The following NEK1 variants were observed in gnomAD, a reference collection of about 807,000 sequenced individuals.
The protein encoded by NEK1 is serine/threonine-protein kinase Nek1.
Under a neutral mutation model 182.1 loss-of-function variants are expected in NEK1, and 137 were observed. That is an observed-to-expected ratio of 0.75 (90% CI 0.65 to 0.87). NEK1 has a LOEUF of 0.87. NEK1 is among the 40% of genes least tolerant of loss of function. The pLI is 0.00. For missense variants in NEK1, 1,391 were observed against 1,494.4 expected (o/e 0.93, Z 1.14); for synonymous variants, 513 against 492.2 (o/e 1.04, Z -0.56).
At chr4:169,574,113 G>A (rs1279236801) in intron 12 of NEK1, among the ~76,000 whole-genome samples, 5 of 152,078 alleles carry the variant, frequency 3.3e-5, no homozygotes, top group African/African-American at 4.8e-5. Context: ...AGCCATGACC[G>A]CACTACTGTC....
At chr4:169,580,655 A>G (rs1766484382) in intron 11 of NEK1, among the ~76,000 whole-genome samples, 187 bp downstream of exon 11, 1 of 152,068 alleles carries the variant, frequency 6.6e-6, no homozygotes, top group Admixed American at 6.5e-5. Flanking sequence ...TGAACAATAA[A>G]TGAGAATGTT....
intron 5 of NEK1, among the ~76,000 whole-genome samples, chr4:169,596,037 T>C (rs1023947984): frequency 2.0e-5 from 3 of 151,762 alleles, no homozygotes; most frequent in Admixed American, 6.6e-5. Context: ...AATGGTAAAG[T>C]CACTTTCTAG....
intron 27 of NEK1, among the ~76,000 whole-genome samples, chr4:169,458,355 C>T (rs377100877): frequency 9.9e-5 from 15 of 152,050 alleles, no homozygotes; most frequent in East Asian, 9.7e-4. Context: ...CATCTACTTA[C>T]GAAAAAAATG....
chr4:169,551,292 C>T (rs892062416), intron 18 of NEK1, among the ~76,000 whole-genome samples: 2 of 152,088 alleles, frequency 1.3e-5, no homozygotes, highest in Admixed American at 6.6e-5. Flanking sequence ...TGGCACTTTT[C>T]TAGAAAAAAA....
intron 12 of NEK1, chr4:169,576,713 A>C: frequency 5.6e-6 from 2 of 360,018 alleles, no homozygotes; most frequent in Non-Finnish European, 1.0e-5. Context: ...GCTTTTTATT[A>C]CACTAATTAT....
chr4:169,552,112 A>G (rs1761510897), intron 18 of NEK1, among the ~76,000 whole-genome samples: 1 of 152,174 alleles, frequency 6.6e-6, no homozygotes, highest in Admixed American at 6.5e-5. Context: ...CATGTCAGTG[A>G]AAAGATTACA....
intron 23 of NEK1, among the ~76,000 whole-genome samples, chr4:169,497,762 C>A (rs1307260216): frequency 3.3e-5 from 5 of 152,186 alleles, no homozygotes; most frequent in Non-Finnish European, 7.3e-5. Flanking sequence ...GCACTGTGGT[C>A]TGAGAGATAG....
At chr4:169,403,440 C>T (rs4563461) in intron 32 of NEK1, among the ~76,000 whole-genome samples, 78,598 of 151,738 alleles carry the variant, frequency 0.52, 20,783 homozygotes, top group East Asian at 0.75. Context: ...CGTGGTGGCA[C>T]GAGCCTGTAT....
intron 11 of NEK1, among the ~76,000 whole-genome samples, chr4:169,578,033 C>T (rs1765997157): frequency 6.6e-6 from 1 of 151,844 alleles, no homozygotes; most frequent in South Asian, 2.1e-4. Flanking sequence ...GGAGAGCAAT[C>T]TATATTAAGA....
chr4:169,546,582 AAAGTCTCCCAC>A (rs1227841130), intron 18 of NEK1, among the ~76,000 whole-genome samples: 1 of 152,144 alleles, frequency 6.6e-6, no homozygotes, highest in Non-Finnish European at 1.5e-5. Flanking sequence ...GTGGGGTGTT[AAAGTCTCCCAC>A]TACTGTGTGG....
chr4:169,601,976 A>AT (rs1770575048), intron 4 of NEK1, 32 bp downstream of exon 4: 2 of 1,466,744 alleles, frequency 1.4e-6, no homozygotes, highest in Admixed American at 1.7e-5. Flanking sequence ...ATGTCTTAGG[A>AT]TTTTTTAACT....
At chr4:169,589,642 A>G (rs1405568444) in intron 6 of NEK1, 128 bp from the exon 7 acceptor site, 1 of 602,856 alleles carries the variant, frequency 1.7e-6, no homozygotes, top group African/African-American at 1.9e-5. Context: ...TTCACATACA[A>G]AAGAATAAAT....
At chr4:169,600,819 T>C (rs937609639) in intron 4 of NEK1, among the ~76,000 whole-genome samples, 1 of 152,228 alleles carries the variant, frequency 6.6e-6, no homozygotes, top group Admixed American at 6.5e-5. Context: ...CTAGCATGTA[T>C]TCTTCTAAAA....
At chr4:169,462,134 T>C (rs1744082641) in intron 27 of NEK1, among the ~76,000 whole-genome samples, 1 of 150,424 alleles carries the variant, frequency 6.6e-6, no homozygotes, top group Non-Finnish European at 1.5e-5. Context: ...ATTATAGAGC[T>C]TTTAGACTAC....
chr4:169,573,855 A>G (rs944500542), intron 12 of NEK1, among the ~76,000 whole-genome samples: 2 of 152,218 alleles, frequency 1.3e-5, no homozygotes, highest in African/African-American at 4.8e-5. Flanking sequence ...AAGATATTTG[A>G]AAGAGAATGA....
At chr4:169,484,640 G>A (rs1269959822) in intron 23 of NEK1, among the ~76,000 whole-genome samples, 1 of 152,176 alleles carries the variant, frequency 6.6e-6, no homozygotes, top group East Asian at 1.9e-4. Flanking sequence ...AACTAACTCT[G>A]TAAAGCCAAG....
At chr4:169,537,479 A>C (rs1005979293) in intron 19 of NEK1, among the ~76,000 whole-genome samples, 2 of 152,194 alleles carry the variant, frequency 1.3e-5, no homozygotes, top group Non-Finnish European at 2.9e-5. Context: ...GGGAAAAAAA[A>C]CATGCAGCAA....
chr4:169,571,349 T>G lies in NEK1; in HGVS notation c.1020+5579A>C, dbSNP rs1018400388. Among the ~76,000 whole-genome samples the G allele has an allele frequency of 5.9e-5, 9 of 152,032 alleles. No homozygotes were observed. In the East Asian group the frequency reaches 1.7e-3, roughly 29 times the overall value. Reference sequence around the variant, plus strand: ...AGGAACTAGTGAACAACAACAAAAATCCCTACCCTCATGAATTTCTGCACT... The same window carrying G: ...AGGAACTAGTGAACAACAACAAAAAGCCCTACCCTCATGAATTTCTGCACT... On this transcript the variant is annotated intron_variant, in intron 12 of 35. Transcript: ENST00000507142.
At chr4:169,514,784 T>C (rs1263298154) in intron 19 of NEK1, among the ~76,000 whole-genome samples, 1 of 152,178 alleles carries the variant, frequency 6.6e-6, no homozygotes, top group Non-Finnish European at 1.5e-5. Flanking sequence ...ACTTTTATGT[T>C]TCTAAGAGTC....
Sources: allele counts gnomAD v4.1 joint callset (sites outside exome capture counted in the v4.1 genomes callset), GRCh38; gene constraint gnomAD v4.1.1; transcripts MANE v1.5; gene names NCBI Gene and HGNC (gene_info 2026-07-23, HGNC 2026-07-21).